RNF122: variants seen among roughly 807,000 people sequenced by gnomAD.
The protein encoded by RNF122 is ring finger protein 122.
Under a neutral mutation model 24.2 loss-of-function variants are expected in RNF122, and 17 were observed. That is an observed-to-expected ratio of 0.70 (90% CI 0.48 to 1.06). The LOEUF (loss-of-function observed/expected upper bound fraction) is 1.06, where lower values mean the gene tolerates loss of function less well. Ranked by LOEUF, RNF122 falls within the 50% of genes least tolerant of loss-of-function variation. RNF122 has a pLI of 0.00. For missense variants in RNF122, 168 were observed against 198.1 expected (o/e 0.85, Z 0.91); for synonymous variants, 65 against 71.8 (o/e 0.91, Z 0.48).
intron 1 of RNF122, among the ~76,000 whole-genome samples, chr8:33,562,431 A>G (rs970571672): frequency 6.6e-5 from 10 of 151,484 alleles, no homozygotes; most frequent in Non-Finnish European, 1.5e-4. Context: ...AATCCCAGCT[A>G]CTCAGGAGGC....
intron 2 of RNF122, among the ~76,000 whole-genome samples, chr8:33,554,243 G>C (rs1810417711): frequency 6.6e-6 from 1 of 152,216 alleles, no homozygotes; most frequent in South Asian, 2.1e-4. Flanking sequence ...CACGTGCAGA[G>C]TAAATAAGGA....
chr8:33,566,288 T>G (rs1810622213), intron 1 of RNF122, among the ~76,000 whole-genome samples: 1 of 152,208 alleles, frequency 6.6e-6, no homozygotes, highest in African/African-American at 2.4e-5. Context: ...TACAATAGCC[T>G]GCAAAGTTTC....
At chr8:33,554,976 C>T (rs185758166) in intron 2 of RNF122, among the ~76,000 whole-genome samples, 1 of 152,036 alleles carries the variant, frequency 6.6e-6, no homozygotes, top group Non-Finnish European at 1.5e-5. Context: ...GTGGCTTCTG[C>T]GCCTGTGTGT....
intron 4 of RNF122, among the ~76,000 whole-genome samples, chr8:33,549,984 A>G (rs191301468): frequency 6.7e-6 from 1 of 149,128 alleles, no homozygotes; most frequent in East Asian, 2.0e-4. Flanking sequence ...CCCAGGCTGG[A>G]GTGCAATGGT....
At chr8:33,558,420 T>G (rs1202713045) in intron 2 of RNF122, among the ~76,000 whole-genome samples, 195 bp downstream of exon 2, 1 of 152,152 alleles carries the variant, frequency 6.6e-6, no homozygotes, top group African/African-American at 2.4e-5. Context: ...CAGGAACAAC[T>G]TGATAGGCTA....
Position 33,566,638 on chromosome 8 carries a change from C to G in RNF122, c.25+61G>C, listed in dbSNP as rs565084446. 5.2e-6 allele frequency: 8 copies of G among 1,542,160 alleles called. No homozygotes were observed. The South Asian group carries it at 5.9e-5, about 11-fold the overall frequency. The stretch of plus-strand genomic sequence containing the variant: ...ACCAGCGCGCTGCTGTCCGACCTCG[C>G]ACCCCGCGCCGCGGCTCCCACCAGC... On this transcript the variant is annotated intron_variant, in intron 1 of 5. Transcript: ENST00000256257.
chr8:33,555,896 G>A (rs551770029), intron 2 of RNF122, among the ~76,000 whole-genome samples: 145 of 152,254 alleles, frequency 9.5e-4, no homozygotes, highest in African/African-American at 3.3e-3. Context: ...GGCCGGGCAC[G>A]GTGGCTCATG....
At chr8:33,563,702 C>G (rs981686853) in intron 1 of RNF122, among the ~76,000 whole-genome samples, 1 of 152,176 alleles carries the variant, frequency 6.6e-6, no homozygotes, top group Non-Finnish European at 1.5e-5. Flanking sequence ...CCAACAAGAC[C>G]TGGTGCTCCC....
chr8:33,556,650 T>C (rs528116382), intron 2 of RNF122, among the ~76,000 whole-genome samples: 1 of 151,952 alleles, frequency 6.6e-6, no homozygotes, highest in South Asian at 2.1e-4. Context: ...TCAGGAAGAA[T>C]TCAAGGAAAA....
chr8:33,566,896 G>A lies in RNF122; in HGVS notation c.-173C>T. ...CGGAGTGGGGGGCTTTGACGAGGCT[G>A]GTGTTCAGCCCAACAAAGAGGGACG... On this transcript the variant is annotated 5_prime_UTR_variant, in exon 1 of 6. Transcript: ENST00000256257. The A allele has an allele frequency of 1.4e-6, 1 of 696,300 alleles. No individual in the cohort carries two copies. The allele number at this position is 696,300 out of a possible 1,614,324, so 43.1% of individuals were successfully genotyped here.
chr8:33,550,865 G>A (rs1054174944), intron 4 of RNF122, among the ~76,000 whole-genome samples, 179 bp downstream of exon 4: 1 of 151,966 alleles, frequency 6.6e-6, no homozygotes, highest in African/African-American at 2.4e-5. Context: ...GGCTGTTCCA[G>A]GTGTAATCAA....
intron 4 of RNF122, 89 bp downstream of exon 4, chr8:33,550,955 T>C (rs1810364663): frequency 7.7e-7 from 1 of 1,294,984 alleles, no homozygotes; most frequent in South Asian, 1.2e-5. Context: ...TAAGCAGTTT[T>C]CTGAAAAGCG....
intron 5 of RNF122, 80 bp from the exon 6 acceptor site, chr8:33,548,947 G>A (rs991878844): frequency 2.5e-5 from 25 of 1,018,996 alleles, no homozygotes; most frequent in East Asian, 1.4e-4. Context: ...AGAATATCCC[G>A]TGGTGGCTCA....
chr8:33,565,801 C>A (rs573729587), intron 1 of RNF122, among the ~76,000 whole-genome samples: 1 of 152,294 alleles, frequency 6.6e-6, no homozygotes, highest in South Asian at 2.1e-4. Flanking sequence ...AGGCCAGCCT[C>A]GCACCCCAGG....
intron 1 of RNF122, among the ~76,000 whole-genome samples, chr8:33,559,524 G>A (rs1460061203): frequency 1.3e-5 from 2 of 152,104 alleles, no homozygotes; most frequent in Non-Finnish European, 2.9e-5. Context: ...ATGAAAATGA[G>A]CGCATAAGAA....
At chr8:33,550,940 T>C in intron 4 of RNF122, 104 bp downstream of exon 4, 3 of 1,051,618 alleles carry the variant, frequency 2.9e-6, no homozygotes, top group Non-Finnish European at 4.5e-6. Context: ...TATGAAGGCA[T>C]GGACTAAGCA....
intron 1 of RNF122, 101 bp downstream of exon 1, chr8:33,566,598 G>C: frequency 8.1e-7 from 1 of 1,229,334 alleles, no homozygotes; most frequent in Non-Finnish European, 1.2e-6. Context: ...GGAGAAACTT[G>C]GTTCCCGAGG....
Position 33,567,081 on chromosome 8 carries a change from T to C in RNF122, c.-358A>G. 1 of 347,604 alleles carries C rather than the reference T, an allele frequency of 2.9e-6. No homozygotes were observed. Among genetic ancestry groups the C allele is most frequent in the Non-Finnish European group, 5.4e-6 (1 of 184,262 alleles). 21.5% of individuals were successfully genotyped at this position (347,604 alleles called of 1,614,324 possible). A position where few individuals can be genotyped will look rare whatever the true frequency, so the allele number is the denominator to read the frequency against. The stretch of plus-strand genomic sequence containing the variant: ...GAAAAACCTTTGCCGGAGGCTCGGA[T>C]CGGGTTCAGCGGCGCAGAGGTGAGC... On this transcript the variant is annotated 5_prime_UTR_variant, in exon 1 of 6. Coordinates refer to ENST00000256257, the MANE Select transcript of RNF122 (RefSeq NM_024787.3).
Position 33,547,914 on chromosome 8 carries a change from T to C in RNF122, c.*839A>G, listed in dbSNP as rs979123721. On this transcript the variant is annotated 3_prime_UTR_variant, in exon 6 of 6. Coordinates refer to ENST00000256257, the MANE Select transcript of RNF122 (RefSeq NM_024787.3). ...GCGAGGATGAAGTATAAAAATACTA[T>C]TTACAAAGGGAAGGAGGTATCTGTT... is the stretch of plus-strand genomic sequence containing the variant. 6 of 147,170 alleles carry C rather than the reference T, an allele frequency of 4.1e-5. No homozygotes were observed. Among genetic ancestry groups the C allele is most frequent in the African/African-American group, 1.3e-4 (5 of 39,348 alleles). 9.1% of individuals were successfully genotyped at this position (147,170 alleles called of 1,614,324 possible). A position where few individuals can be genotyped will look rare whatever the true frequency, so the allele number is the denominator to read the frequency against.
Sources: allele counts gnomAD v4.1 joint callset (sites outside exome capture counted in the v4.1 genomes callset), GRCh38; gene constraint gnomAD v4.1.1; transcripts MANE v1.5; gene names NCBI Gene and HGNC (gene_info 2026-07-23, HGNC 2026-07-21).